CCDC63: variants seen among roughly 807,000 people sequenced by gnomAD.
CCDC63 encodes coiled-coil domain-containing protein 63.
A neutral mutation model predicts 63.6 loss-of-function variants in CCDC63; 54 were observed. The observed-to-expected ratio is 0.85, with a 90% confidence interval of 0.68 to 1.07. The LOEUF (loss-of-function observed/expected upper bound fraction) is 1.07. CCDC63 is among the 50% of genes least tolerant of loss of function. The pLI is 0.00. For synonymous variants in CCDC63, 253 were observed against 266.1 expected (o/e 0.95, Z 0.48); for missense variants, 637 against 689.6 (o/e 0.92, Z 0.86).
At chr12:110,846,510 ATC>A (rs1359108279), upstream of CCDC63, among the ~76,000 whole-genome samples, 1 of 151,554 alleles carries the variant, frequency 6.6e-6, no homozygotes, top group Non-Finnish European at 1.5e-5. Context: ...CTCATGAAAT[ATC>A]TCTTTCCCCC....
chr12:110,906,059 A>ATAT (rs548675154), intron 11 of CCDC63, among the ~76,000 whole-genome samples: 10 of 88,222 alleles, frequency 1.1e-4, no homozygotes, highest in African/African-American at 4.7e-4. Context: ...ATATATATAT[A>ATAT]ATATATATAC....
intron 4 of CCDC63, among the ~76,000 whole-genome samples, chr12:110,868,149 ACGCTCCT>A (rs2071001961): frequency 7.0e-6 from 1 of 143,202 alleles, no homozygotes; most frequent in African/African-American, 2.7e-5. Context: ...CCGGGCAGAG[ACGCTCCT>A]CACTTCCTAG....
intron 4 of CCDC63, among the ~76,000 whole-genome samples, chr12:110,867,660 GCGCCCCT>G (rs2070986473): frequency 2.5e-5 from 3 of 121,048 alleles, no homozygotes; most frequent in Non-Finnish European, 5.3e-5. Context: ...CCGGGCAGAG[GCGCCCCT>G]CACCTCCCAG....
chr12:110,873,124 T>C (rs1191648638), intron 4 of CCDC63, among the ~76,000 whole-genome samples: 1 of 152,144 alleles, frequency 6.6e-6, no homozygotes, highest in African/African-American at 2.4e-5. Flanking sequence ...TAGTTCCAGT[T>C]ACTCGAGACG....
intron 4 of CCDC63, among the ~76,000 whole-genome samples, chr12:110,862,317 T>C (rs1200619340): frequency 3.3e-5 from 5 of 152,172 alleles, no homozygotes; most frequent in African/African-American, 9.6e-5. Flanking sequence ...CTTCCTCCCA[T>C]GCCCACCCTC....
intron 3 of CCDC63, among the ~76,000 whole-genome samples, chr12:110,858,363 C>A (rs1172439032): frequency 6.6e-6 from 1 of 151,936 alleles, no homozygotes; most frequent in Admixed American, 6.6e-5. Context: ...AGAGAAAATA[C>A]CCACCTCAGA....
intron 4 of CCDC63, among the ~76,000 whole-genome samples, chr12:110,864,707 C>CAAAA (rs112919673): frequency 7.9e-6 from 1 of 126,588 alleles, no homozygotes; most frequent in Non-Finnish European, 1.7e-5. Flanking sequence ...GACTCCATCT[C>CAAAA]AAAAAAAAAA....
intron 9 of CCDC63, among the ~76,000 whole-genome samples, chr12:110,898,190 G>A (rs1205129411): frequency 6.6e-6 from 1 of 151,934 alleles, no homozygotes; most frequent in African/African-American, 2.4e-5. Flanking sequence ...GCTAACGTGG[G>A]AGGATAGCTT....
intron 10 of CCDC63, among the ~76,000 whole-genome samples, chr12:110,899,690 CTT>C (rs60708943): frequency 5.3e-4 from 73 of 138,102 alleles, no homozygotes; most frequent in Admixed American, 8.8e-4. Flanking sequence ...TTAATGCCTT[CTT>C]TTTTTTTTTT....
At chr12:110,847,951 G>A (rs756845663) in intron 1 of CCDC63, among the ~76,000 whole-genome samples, 1 of 152,272 alleles carries the variant, frequency 6.6e-6, no homozygotes, top group Non-Finnish European at 1.5e-5. Flanking sequence ...CTGCCCATGC[G>A]CCCAGGACTA....
intron 4 of CCDC63, among the ~76,000 whole-genome samples, chr12:110,864,874 C>T (rs145772807): frequency 1.8e-3 from 281 of 152,216 alleles, no homozygotes; most frequent in African/African-American, 6.6e-3. Flanking sequence ...AACTTCAGGG[C>T]TGGTTGGTTT....
At chr12:110,846,518 C>T (rs2070638536), upstream of CCDC63, among the ~76,000 whole-genome samples, 1 of 146,184 alleles carries the variant, frequency 6.8e-6, no homozygotes, top group African/African-American at 2.7e-5. Context: ...ATATCTCTTT[C>T]CCCCCCCGCC....
intron 10 of CCDC63, among the ~76,000 whole-genome samples, chr12:110,899,651 G>C (rs2071461319): frequency 6.6e-6 from 1 of 150,660 alleles, no homozygotes; most frequent in Non-Finnish European, 1.5e-5. Flanking sequence ...CTGTGCTTCA[G>C]ATTTTTGATC....
chr12:110,877,256 A>G (rs2071143046), intron 5 of CCDC63, among the ~76,000 whole-genome samples: 2 of 143,548 alleles, frequency 1.4e-5, no homozygotes, highest in South Asian at 4.3e-4. Context: ...TCTGTCCCCC[A>G]GGCTGGAGTG....
intron 1 of CCDC63, among the ~76,000 whole-genome samples, chr12:110,851,779 A>G (rs2070708561): frequency 6.6e-6 from 1 of 152,188 alleles, no homozygotes; most frequent in Non-Finnish European, 1.5e-5. Flanking sequence ...TGTACTGAGC[A>G]CTTACTACGT....
intron 4 of CCDC63, among the ~76,000 whole-genome samples, chr12:110,868,533 C>G (rs952884106): frequency 6.6e-6 from 1 of 150,682 alleles, no homozygotes; most frequent in Non-Finnish European, 1.5e-5. Flanking sequence ...GGCTGGAGAC[C>G]GGCCCGGCCA....
At position 110,868,324 on chromosome 12, in the gene CCDC63, C is replaced by T. The variant is rs1414361447; in HGVS notation, c.370-5518C>T. Among the ~76,000 whole-genome samples, 11 of 136,284 alleles carry T rather than the reference C, an allele frequency of 8.1e-5. 1 individual carries two copies. Among genetic ancestry groups the T allele is most frequent in the East Asian group, 2.0e-4 (1 of 5,036 alleles). The allele number at this position is 136,284 out of a possible 152,430, so 89.4% of individuals were successfully genotyped here. A position where few individuals can be genotyped will look rare whatever the true frequency, so the allele number is the denominator to read the frequency against. ...GCAGAGACGCTCCTCACTTCCCAGA[C>T]GGGGTGGCGGCTGGGCAGAGGCTGC... On this transcript the variant is annotated intron_variant, in intron 4 of 11. Transcript: ENST00000308208.
chr12:110,906,982 C>T (rs538816426), intron 11 of CCDC63, among the ~76,000 whole-genome samples: 2 of 152,258 alleles, frequency 1.3e-5, no homozygotes. Flanking sequence ...GAAAAAGTTG[C>T]CCCTTCTGGG....
At chr12:110,859,585 C>T (rs1404037214) in intron 4 of CCDC63, among the ~76,000 whole-genome samples, 10 of 151,906 alleles carry the variant, frequency 6.6e-5, no homozygotes, top group African/African-American at 7.3e-5. Context: ...AGATTACGGG[C>T]GTGAGCCACC....
Sources: allele counts gnomAD v4.1 joint callset (sites outside exome capture counted in the v4.1 genomes callset), GRCh38; gene constraint gnomAD v4.1.1; transcripts MANE v1.5; gene names NCBI Gene and HGNC (gene_info 2026-07-23, HGNC 2026-07-21).